The following LDB2 variants were observed in gnomAD, a reference collection of about 807,000 sequenced individuals.
LDB2 encodes LIM domain binding 2.
LDB2 carries 12 observed loss-of-function variants against 44.3 expected under a neutral mutation model. The ratio of observed to expected loss-of-function variants is 0.27; its 90% CI spans 0.17 to 0.44. LDB2 has a LOEUF of 0.44. LDB2 is among the 20% of genes least tolerant of loss of function. The pLI, the probability that LDB2 is intolerant of heterozygous loss-of-function variation, is 1.00. For missense variants in LDB2, 344 were observed against 473.5 expected, an observed-to-expected ratio of 0.73 and a Z score of 2.54; for synonymous variants, 164 against 174.8, an observed-to-expected ratio of 0.94 and a Z score of 0.49.
Position 16,869,781 on chromosome 4 carries a change from A to C in LDB2, c.132+28573T>G, listed in dbSNP as rs370060423. 1.2e-4 allele frequency among the ~76,000 whole-genome samples: 18 copies of C among 152,324 alleles called. No homozygotes were observed. The South Asian group carries it at 3.5e-3, about 30-fold the overall frequency. Reference sequence around the variant, plus strand: ...TGGAGCTGGTCATACCAATACGTAGATGTTCACTTTACCCAGTGATATTTT... The same window carrying C: ...TGGAGCTGGTCATACCAATACGTAGCTGTTCACTTTACCCAGTGATATTTT... On this transcript the variant is annotated intron_variant, in intron 1 of 7. Coordinates refer to ENST00000304523, the MANE Select transcript of LDB2 (RefSeq NM_001290.5).
chr4:16,797,213 C>G (rs1477390226), intron 1 of LDB2, among the ~76,000 whole-genome samples: 1 of 152,178 alleles, frequency 6.6e-6, no homozygotes, highest in East Asian at 1.9e-4. Flanking sequence ...TCATCTCACA[C>G]ATGCGTATTT....
At chr4:16,584,751 C>T (rs1268736505) in intron 5 of LDB2, among the ~76,000 whole-genome samples, 1 of 152,204 alleles carries the variant, frequency 6.6e-6, no homozygotes. Flanking sequence ...TGTGGGGTAC[C>T]TGGTGGGCCT....
intron 2 of LDB2, among the ~76,000 whole-genome samples, chr4:16,746,522 C>T (rs142179398): frequency 1.3e-5 from 2 of 152,112 alleles, no homozygotes; most frequent in East Asian, 3.9e-4. Context: ...TGCAGTGGAT[C>T]ATGCCTGTAA....
chr4:16,536,135 C>G (rs1317465415), intron 5 of LDB2, among the ~76,000 whole-genome samples: 1 of 152,188 alleles, frequency 6.6e-6, no homozygotes, highest in African/African-American at 2.4e-5. Context: ...CGGCCCTCTC[C>G]CCAGTCACTA....
chr4:16,568,900 A>C (rs192524917), intron 5 of LDB2, among the ~76,000 whole-genome samples: 8 of 152,364 alleles, frequency 5.3e-5, no homozygotes, highest in East Asian at 1.9e-4. Flanking sequence ...CCTCTTCAAC[A>C]GTCAGAGGAA....
Position 16,730,482 on chromosome 4 carries a change from G to T in LDB2, c.235+28676C>A, listed in dbSNP as rs541200150. On this transcript the variant is annotated intron_variant, in intron 2 of 7. Transcript: ENST00000304523. ...GACTCAAAAACTATATTGCTTACCA[G>T]ATTACAGATTTTTAAAAAATAATAT... 1.4e-4 allele frequency among the ~76,000 whole-genome samples: 22 copies of T among 152,256 alleles called. No homozygotes were observed. In the South Asian group the frequency reaches 4.6e-3, roughly 32 times the overall value.
At position 16,883,054 on chromosome 4, in the gene LDB2, C is replaced by T. The variant is rs554846746; in HGVS notation, c.132+15300G>A. Among the ~76,000 whole-genome samples the T allele has an allele frequency of 1.4e-4, 22 of 152,244 alleles. No homozygotes were observed. In the East Asian group the frequency reaches 2.9e-3, roughly 20 times the overall value. ...CAACCATCGAGCCTTCCTTTATGTG[C>T]GGGTTTTAAGACAATGGTTCCCAGA... On this transcript the variant is annotated intron_variant, in intron 1 of 7. Transcript: ENST00000304523.
intron 1 of LDB2, among the ~76,000 whole-genome samples, chr4:16,892,391 G>A (rs1407701806): frequency 6.6e-6 from 1 of 152,136 alleles, no homozygotes; most frequent in Non-Finnish European, 1.5e-5. Context: ...TCAAATGCAT[G>A]CTGCCAGAAT....
At chr4:16,841,604 AT>A (rs1785908464) in intron 1 of LDB2, among the ~76,000 whole-genome samples, 1 of 152,078 alleles carries the variant, frequency 6.6e-6, no homozygotes, top group African/African-American at 2.4e-5. Context: ...CACGTTGTGC[AT>A]TTTTTTCTAA....
At chr4:16,743,802 A>T (rs1203818433) in intron 2 of LDB2, among the ~76,000 whole-genome samples, 1 of 152,132 alleles carries the variant, frequency 6.6e-6, no homozygotes, top group East Asian at 1.9e-4. Context: ...GCCTTGTGAG[A>T]CCCTAGGCAG....
Position 16,628,748 on chromosome 4 carries a change from T to A in LDB2, c.236-32873A>T, listed in dbSNP as rs190788987. ...GGTACCTGGTTCATCTCACTGGGAC[T>A]GGTTGGACAGTGGGTGCAGCCCATG... On this transcript the variant is annotated intron_variant, in intron 2 of 7. Coordinates refer to ENST00000304523, the MANE Select transcript of LDB2 (RefSeq NM_001290.5). Among the ~76,000 whole-genome samples, 32 of 152,196 alleles carry A rather than the reference T, an allele frequency of 2.1e-4. No homozygotes were observed. The East Asian group carries it at 5.6e-3, about 27-fold the overall frequency.
intron 5 of LDB2, among the ~76,000 whole-genome samples, chr4:16,534,280 C>A (rs964211693): frequency 6.6e-6 from 1 of 152,162 alleles, no homozygotes; most frequent in African/African-American, 2.4e-5. Flanking sequence ...CTCATTTTAT[C>A]TCAGCCTCCA....
rs1730683441 is a variant in LDB2, at chr4:16,533,072, C to G, written c.616-20968G>C. On this transcript the variant is annotated intron_variant, in intron 5 of 7. Coordinates refer to ENST00000304523, the MANE Select transcript of LDB2 (RefSeq NM_001290.5). The surrounding 1 kb of genome is among the most constrained non-coding windows in gnomAD (Gnocchi z 4.1). ...CTTGCTTCAGTTTGCTTGGGACTGT[C>G]CCAGATTTTAAAACTAGAAGTTCCA... Among the ~76,000 whole-genome samples, 1 of 152,122 alleles carries G rather than the reference C, an allele frequency of 6.6e-6. No homozygotes were observed. The highest frequency in any genetic ancestry group is 2.1e-4 in the South Asian group (1 of 4,824).
intron 1 of LDB2, among the ~76,000 whole-genome samples, chr4:16,896,821 A>G (rs893000452): frequency 2.6e-5 from 4 of 152,200 alleles, no homozygotes; most frequent in Admixed American, 2.0e-4. Context: ...ACACAGTTGC[A>G]AAGATCTGAA....
chr4:16,596,080 C>T (rs113452310), intron 2 of LDB2, among the ~76,000 whole-genome samples: 3 of 152,160 alleles, frequency 2.0e-5, no homozygotes, highest in East Asian at 1.9e-4. Flanking sequence ...AGGAAAAATG[C>T]GTCCAGTCAT....
intron 2 of LDB2, among the ~76,000 whole-genome samples, chr4:16,645,767 G>C (rs1578443642): frequency 6.6e-6 from 1 of 152,146 alleles, no homozygotes; most frequent in Admixed American, 6.5e-5. Flanking sequence ...TTGGGTCAGA[G>C]TTTAAATTTC....
At chr4:16,666,840 G>A (rs932264780) in intron 2 of LDB2, among the ~76,000 whole-genome samples, 3 of 152,184 alleles carry the variant, frequency 2.0e-5, no homozygotes, top group African/African-American at 7.2e-5. Context: ...GGCAACAGTT[G>A]TTTTCTGACA....
chr4:16,692,570 T>C (rs971178304), intron 2 of LDB2, among the ~76,000 whole-genome samples: 17 of 152,244 alleles, frequency 1.1e-4, no homozygotes, highest in East Asian at 5.8e-4. Flanking sequence ...ACTTTTTTTT[T>C]CCTCTTCTTT....
chr4:16,896,258 G>C (rs1047778122), intron 1 of LDB2, among the ~76,000 whole-genome samples: 2 of 152,132 alleles, frequency 1.3e-5, no homozygotes, highest in African/African-American at 4.8e-5. Context: ...ATCTTTAAAA[G>C]TAATACCCCA....
Sources: gnomAD v4.1 joint callset for allele counts (sites outside exome capture counted in the v4.1 genomes callset) on GRCh38, gnomAD v4.1.1 for gene constraint, Gnocchi (gnomAD v3.1) non-coding constraint, MANE v1.5 for transcripts, NCBI Gene and HGNC (gene_info 2026-07-23, HGNC 2026-07-21) for gene names.